Variants in ZBTB46 observed in about 807,000 individuals in gnomAD.
The protein encoded by ZBTB46 is zinc finger and BTB domain-containing protein 46.
Under a neutral mutation model 44.1 loss-of-function variants are expected in ZBTB46, and 8 were observed. The observed-to-expected ratio is 0.18, with a 90% CI of 0.11 to 0.33. The LOEUF (loss-of-function observed/expected upper bound fraction) is 0.33. ZBTB46 is among the 10% of genes least tolerant of loss of function. ZBTB46 has a pLI of 1.00. For synonymous variants in ZBTB46, 409 were observed against 382.3 expected, an observed-to-expected ratio of 1.07 and a Z score of -0.81; for missense variants, 651 against 847.7, an observed-to-expected ratio of 0.77 and a Z score of 2.88.
intron 3 of ZBTB46, among the ~76,000 whole-genome samples, chr20:63,774,924 C>CGATCTCCTGACCTCGT (rs2145861063): frequency 6.6e-6 from 1 of 152,092 alleles, no homozygotes; most frequent in South Asian, 2.1e-4. Flanking sequence ...AAGATGGTCT[C>CGATCTCCTGACCTCGT]GATCTCCTGA....
upstream of ZBTB46, among the ~76,000 whole-genome samples, chr20:63,831,496 T>G (rs2146123213): frequency 7.1e-6 from 1 of 141,796 alleles, no homozygotes. Context: ...GCGCCGGGGG[T>G]CCGTTCTCCC....
chr20:63,772,220 T>C (rs1413568885), intron 3 of ZBTB46, among the ~76,000 whole-genome samples: 2 of 152,024 alleles, frequency 1.3e-5, no homozygotes, highest in African/African-American at 4.8e-5. Flanking sequence ...GGTCTTGAAC[T>C]ACTGACCTCA....
At chr20:63,776,467 T>C (rs1194391123) in intron 2 of ZBTB46, among the ~76,000 whole-genome samples, 3 of 152,150 alleles carry the variant, frequency 2.0e-5, no homozygotes, top group East Asian at 1.9e-4. Flanking sequence ...ACAAAATAAA[T>C]TGGACTCATC....
At chr20:63,747,578 G>T (rs1395365730) in intron 4 of ZBTB46, among the ~76,000 whole-genome samples, 1 of 148,066 alleles carries the variant, frequency 6.8e-6, no homozygotes, top group African/African-American at 2.5e-5. Flanking sequence ...TGGGGTTGGG[G>T]GGGCACAGCC....
At chr20:63,774,250 A>G (rs1341080501) in intron 3 of ZBTB46, among the ~76,000 whole-genome samples, 3 of 152,178 alleles carry the variant, frequency 2.0e-5, no homozygotes, top group East Asian at 1.9e-4. Flanking sequence ...CACTTTCCAC[A>G]TGTAGTCTTT....
chr20:63,775,075 C>T (rs971408676), intron 3 of ZBTB46, among the ~76,000 whole-genome samples: 3 of 152,186 alleles, frequency 2.0e-5, no homozygotes, highest in Non-Finnish European at 4.4e-5. Context: ...GGGGTGAGCC[C>T]GACACGCAGC....
intron 4 of ZBTB46, among the ~76,000 whole-genome samples, chr20:63,751,801 G>C (rs1601390962): frequency 9.7e-6 from 1 of 103,336 alleles, no homozygotes; most frequent in Admixed American, 9.2e-5. Context: ...CCCCGCCCCC[G>C]GTGGGTCTCC....
At chr20:63,815,314 A>G in intron 1 of ZBTB46, 2 of 273,392 alleles carry the variant, frequency 7.3e-6, no homozygotes, top group Non-Finnish European at 6.9e-6. Context: ...CAGTGGGTGC[A>G]GATGGGCACA....
At chr20:63,793,031 C>T (rs2092573533) in intron 1 of ZBTB46, among the ~76,000 whole-genome samples, 1 of 152,172 alleles carries the variant, frequency 6.6e-6, no homozygotes, top group Non-Finnish European at 1.5e-5. Flanking sequence ...CCCTTCACTT[C>T]CTGCCCGCCG....
intron 2 of ZBTB46, among the ~76,000 whole-genome samples, chr20:63,777,056 ACGG>A (rs2092431706): frequency 4.6e-5 from 2 of 43,626 alleles, no homozygotes; most frequent in East Asian, 5.3e-4. Context: ...ACCACACGCC[ACGG>A]TTCCAGCACA....
At chr20:63,812,410 G>A (rs4809356) in intron 1 of ZBTB46, among the ~76,000 whole-genome samples, 27,113 of 152,014 alleles carry the variant, frequency 0.18, 2,888 homozygotes, top group East Asian at 0.45. Flanking sequence ...TTGGGAGGCG[G>A]AGGCGGGCGA....
chr20:63,798,674 C>A (rs1225273262), intron 1 of ZBTB46, among the ~76,000 whole-genome samples: 118 of 18,734 alleles, frequency 6.3e-3, no homozygotes, highest in South Asian at 0.011. Flanking sequence ...GACTCTGTCT[C>A]AAAAAAAAAA....
In ZBTB46 at chr20:63,752,563, T is replaced by C; in HGVS notation, c.1398+123A>G. 4.2e-6 allele frequency: 5 copies of C among 1,203,994 alleles called. No individual in the cohort carries two copies. The highest frequency in any genetic ancestry group is 1.6e-5 in the African/African-American group (1 of 62,936). The allele number at this position is 1,203,994 out of a possible 1,614,324, so 74.6% of individuals were successfully genotyped here. On this transcript the variant is annotated intron_variant, in intron 4 of 4. Coordinates refer to ENST00000245663, the MANE Select transcript of ZBTB46 (RefSeq NM_001369741.1). This position sits in a 1 kb window ranked among gnomAD's most constrained non-coding sequence, Gnocchi z 5.6. The stretch of plus-strand genomic sequence containing the variant: ...GGCGGATCTCCCTGCCCTGCTGTCG[T>C]CCCCCCTGTGCAGAGTGGACCCGGT...
At chr20:63,772,765 A>ACC (rs1555842082) in intron 3 of ZBTB46, among the ~76,000 whole-genome samples, 5,775 of 52,912 alleles carry the variant, frequency 0.11, 367 homozygotes, top group East Asian at 0.34. Flanking sequence ...ACACACACAC[A>ACC]CAGAAGTGCG....
intron 1 of ZBTB46, among the ~76,000 whole-genome samples, chr20:63,797,537 C>CA (rs1237355043): frequency 1.3e-5 from 2 of 152,190 alleles, no homozygotes; most frequent in African/African-American, 4.8e-5. Flanking sequence ...ATGGCTGGGT[C>CA]AAATAGTATT....
At chr20:63,758,655 C>T (rs1016823394) in intron 3 of ZBTB46, among the ~76,000 whole-genome samples, 3 of 152,082 alleles carry the variant, frequency 2.0e-5, no homozygotes, top group African/African-American at 4.8e-5. Context: ...CGCACGCGCA[C>T]GGGCACTCAC....
rs530791666 is a variant in ZBTB46, at chr20:63,767,563, C to T, written c.1222+8115G>A. ...AGCTCTCTCGCCTGGGCAGCTGCACCCAGCTGGAGCCCGGGACCCGGACGC... is the reference window on the plus strand; with the variant it reads ...AGCTCTCTCGCCTGGGCAGCTGCACTCAGCTGGAGCCCGGGACCCGGACGC... On this transcript the variant is annotated intron_variant, in intron 3 of 4. Transcript: ENST00000245663. The surrounding 1 kb of genome is among the most constrained non-coding windows in gnomAD (Gnocchi z 5.0). Among the ~76,000 whole-genome samples, 2 of 152,324 alleles carry T rather than the reference C, an allele frequency of 1.3e-5. No homozygotes were observed. Among genetic ancestry groups the T allele is most frequent in the African/African-American group, 4.8e-5 (2 of 41,578 alleles).
chr20:63,806,753 C>T (rs2092684003), intron 1 of ZBTB46, among the ~76,000 whole-genome samples: 2 of 151,976 alleles, frequency 1.3e-5, no homozygotes, highest in South Asian at 2.1e-4. Flanking sequence ...GGACTACAGG[C>T]GCCCACCACC....
At chr20:63,757,003 G>A (rs1362002225) in intron 3 of ZBTB46, among the ~76,000 whole-genome samples, 1 of 152,106 alleles carries the variant, frequency 6.6e-6, no homozygotes, top group African/African-American at 2.4e-5. Context: ...GGCGGGGAAG[G>A]GGGGCTTCTG....
Sources: allele counts gnomAD v4.1 joint callset (sites outside exome capture counted in the v4.1 genomes callset), GRCh38; gene constraint gnomAD v4.1.1; non-coding constraint Gnocchi (gnomAD v3.1); transcripts MANE v1.5; gene names NCBI Gene and HGNC (gene_info 2026-07-23, HGNC 2026-07-21).